MAPRE2: variants seen among roughly 807,000 people sequenced by gnomAD.
MAPRE2 encodes the protein microtubule associated protein RP/EB family member 2, also known as microtubule-associated protein RP/EB family member 2.
MAPRE2 carries 13 observed loss-of-function variants against 43.2 expected under a neutral mutation model. The ratio of observed to expected loss-of-function variants is 0.30; its 90% confidence interval spans 0.20 to 0.48. MAPRE2 has a LOEUF of 0.48. Among genes scored for constraint, MAPRE2 ranks in the 20% least tolerant of loss-of-function variants. The pLI, the probability that MAPRE2 is intolerant of heterozygous loss-of-function variation, is 0.99. For missense variants in MAPRE2, 161 were observed against 400.2 expected, an observed-to-expected ratio of 0.40 and a Z score of 5.10; for synonymous variants, 135 against 148.8, an observed-to-expected ratio of 0.91 and a Z score of 0.68.
intron 1 of MAPRE2, among the ~76,000 whole-genome samples, chr18:35,068,465 T>C (rs1157708824): frequency 6.6e-6 from 1 of 152,230 alleles, no homozygotes; most frequent in Non-Finnish European, 1.5e-5. Context: ...AATAAAGGTA[T>C]AATTTCAATG....
chr18:35,079,169 C>T (rs952350129), intron 2 of MAPRE2, among the ~76,000 whole-genome samples: 2 of 152,254 alleles, frequency 1.3e-5, no homozygotes, highest in African/African-American at 2.4e-5. Context: ...GAATATGGTC[C>T]TTTTCTTATT....
At chr18:35,076,979 G>C (rs558228127) in intron 2 of MAPRE2, among the ~76,000 whole-genome samples, 6 of 152,206 alleles carry the variant, frequency 3.9e-5, no homozygotes, top group Middle Eastern at 6.8e-3. Context: ...AGTCTCTCCT[G>C]GTTAGTGACG....
chr18:34,985,304 G>A (rs943258137), intron 1 of MAPRE2, among the ~76,000 whole-genome samples: 75 of 7,020 alleles, frequency 0.011, 4 homozygotes, highest in African/African-American at 0.019. Context: ...ATTATATATT[G>A]TATATATTAT....
chr18:35,003,865 A>G (rs567056038), intron 1 of MAPRE2, among the ~76,000 whole-genome samples: 1 of 152,400 alleles, frequency 6.6e-6, no homozygotes, highest in African/African-American at 2.4e-5. Context: ...ATTCAGTTGT[A>G]GAAAGATATA....
intron 1 of MAPRE2, among the ~76,000 whole-genome samples, chr18:34,985,506 ATAAT>A (rs2097020013): frequency 9.4e-5 from 6 of 63,582 alleles, no homozygotes; most frequent in African/African-American, 3.6e-4. Flanking sequence ...TATATAATAT[ATAAT>A]ATATATATTA....
At chr18:35,001,615 A>C (rs532879678) in intron 1 of MAPRE2, among the ~76,000 whole-genome samples, 1 of 152,342 alleles carries the variant, frequency 6.6e-6, no homozygotes, top group African/African-American at 2.4e-5. Context: ...TTAAGAAGGT[A>C]CACGAGGGAG....
intron 1 of MAPRE2, among the ~76,000 whole-genome samples, chr18:34,993,510 C>T (rs2097024869): frequency 1.3e-5 from 2 of 152,046 alleles, no homozygotes; most frequent in South Asian, 4.1e-4. Flanking sequence ...TTTCTTTGAG[C>T]CTAATCAAAG....
At chr18:35,122,072 C>T (rs935392617) in intron 4 of MAPRE2, among the ~76,000 whole-genome samples, 1 of 152,280 alleles carries the variant, frequency 6.6e-6, no homozygotes, top group African/African-American at 2.4e-5. Context: ...AAGTTCTTAA[C>T]TCTAAAGAGT....
intron 1 of MAPRE2, among the ~76,000 whole-genome samples, chr18:34,986,243 T>A (rs2097020936): frequency 1.3e-5 from 2 of 152,134 alleles, no homozygotes; most frequent in Admixed American, 6.6e-5. Flanking sequence ...TTTCAAAAAC[T>A]GGTAAGAGAT....
chr18:35,063,548 C>G (rs1458988065), intron 1 of MAPRE2, among the ~76,000 whole-genome samples: 5 of 151,668 alleles, frequency 3.3e-5, no homozygotes, highest in African/African-American at 1.2e-4. Flanking sequence ...GCTCAGCCTC[C>G]AAGTGGGTTT....
chr18:35,003,814 A>G (rs2097030511), intron 1 of MAPRE2, among the ~76,000 whole-genome samples: 2 of 152,232 alleles, frequency 1.3e-5, no homozygotes, highest in Non-Finnish European at 2.9e-5. Flanking sequence ...ATGGATGGGA[A>G]CCAATATTGT....
intron 1 of MAPRE2, chr18:35,005,378 T>C (rs2097031369): frequency 5.3e-6 from 3 of 570,226 alleles, no homozygotes; most frequent in Admixed American, 6.9e-5. Context: ...ATTTTTTCTT[T>C]AATTTTTTCC....
intron 2 of MAPRE2, among the ~76,000 whole-genome samples, chr18:35,034,240 C>A (rs1172820156): frequency 5.3e-5 from 8 of 152,210 alleles, no homozygotes; most frequent in Admixed American, 4.6e-4. Context: ...TTTGACAACC[C>A]TGAGAAAAAC....
At chr18:35,052,603 G>A (rs1243200890) in intron 1 of MAPRE2, among the ~76,000 whole-genome samples, 1 of 152,090 alleles carries the variant, frequency 6.6e-6, no homozygotes, top group Non-Finnish European at 1.5e-5. Context: ...GGGTCATATG[G>A]CTGGTGTTTA....
chr18:34,980,023 CTTTTTTTCTTTTTTTT>C (rs1309976725), intron 1 of MAPRE2, among the ~76,000 whole-genome samples: 44 of 132,494 alleles, frequency 3.3e-4, no homozygotes, highest in East Asian at 1.1e-3. Context: ...TTTTCTTTTT[CTTTTTTTCTTTTTTTT>C]TTTTTTTTTT....
At chr18:35,113,115 G>A (rs1455747962) in intron 4 of MAPRE2, among the ~76,000 whole-genome samples, 2 of 152,088 alleles carry the variant, frequency 1.3e-5, no homozygotes, top group Non-Finnish European at 2.9e-5. Flanking sequence ...TAGATCTGGG[G>A]GGGAACACAA....
intron 2 of MAPRE2, among the ~76,000 whole-genome samples, chr18:35,084,003 T>G (rs916588193): frequency 1.3e-5 from 2 of 152,230 alleles, no homozygotes; most frequent in Non-Finnish European, 2.9e-5. Context: ...TATTAATATC[T>G]GATCAATTTT....
At chr18:35,041,855 G>A in intron 1 of MAPRE2, 194 bp downstream of exon 1, 2 of 1,374,172 alleles carry the variant, frequency 1.5e-6, no homozygotes, top group Non-Finnish European at 1.9e-6. Context: ...GACTGCAGAT[G>A]GAAAGCATTT....
intron 1 of MAPRE2, among the ~76,000 whole-genome samples, chr18:35,057,446 C>T (rs1408058074): frequency 6.6e-6 from 1 of 151,558 alleles, no homozygotes; most frequent in East Asian, 1.9e-4. Context: ...TGTAACTTTA[C>T]GTTTGACCTG....
Sources: gnomAD v4.1 joint callset for allele counts (sites outside exome capture counted in the v4.1 genomes callset) on GRCh38, gnomAD v4.1.1 for gene constraint, MANE v1.5 for transcripts, NCBI Gene and HGNC (gene_info 2026-07-23, HGNC 2026-07-21) for gene names.